ICMT: variants seen among roughly 807,000 people sequenced by gnomAD.
The protein encoded by ICMT is isoprenylcysteine carboxyl methyltransferase.
ICMT carries 10 observed loss-of-function variants against 32.2 expected under a neutral mutation model. That is an observed-to-expected ratio of 0.31 (90% CI 0.19 to 0.53). The LOEUF is 0.53. Among genes scored for constraint, ICMT ranks in the 20% least tolerant of loss-of-function variants. The probability of loss-of-function intolerance (pLI) is 0.96; values close to 1 mark genes in which losing one functional copy is unlikely to be tolerated. For synonymous variants in ICMT, 183 were observed against 158.2 expected, an observed-to-expected ratio of 1.16 and a Z score of -1.18; for missense variants, 265 against 356.9, an observed-to-expected ratio of 0.74 and a Z score of 2.07.
chr1:6,235,916 CCGGGCGGCGGACTAG>C lies in ICMT; in HGVS notation c.-20_-6del. Reference sequence around the variant, plus strand: ...CCGCGCCGCGCAGCCCGCCATGGCGCCGGGCGGCGGACTAGCGGGCGGCGGCGCCGGCTGTAGCCC... The same window carrying C: ...CCGCGCCGCGCAGCCCGCCATGGCGCCGGGCGGCGGCGCCGGCTGTAGCCC... On this transcript the variant is annotated 5_prime_UTR_variant, in exon 1 of 5. Coordinates refer to ENST00000343813, the MANE Select transcript of ICMT (RefSeq NM_012405.4). 2 of 1,095,664 alleles carry C rather than the reference CCGGGCGGCGGACTAG, an allele frequency of 1.8e-6. No homozygotes were observed. The highest frequency in any genetic ancestry group is 2.2e-6 in the Non-Finnish European group (2 of 902,552). 67.9% of individuals were successfully genotyped at this position (1,095,664 alleles called of 1,614,324 possible).
intron 4 of ICMT, among the ~76,000 whole-genome samples, chr1:6,225,864 C>T (rs1346692169): frequency 2.0e-5 from 3 of 151,900 alleles, no homozygotes; most frequent in African/African-American, 7.3e-5. Flanking sequence ...CACTTTGCCT[C>T]TTTTTTTTCC....
In ICMT at chr1:6,235,653, C is replaced by A. The variant is rs1186469745; in HGVS notation, c.195+64G>T. The A allele has an allele frequency of 1.0e-5, 11 of 1,067,568 alleles. No individual in the cohort carries two copies. The African/African-American group carries it at 1.7e-4, about 16-fold the overall frequency. 66.1% of individuals were successfully genotyped at this position (1,067,568 alleles called of 1,614,324 possible). On this transcript the variant is annotated intron_variant, in intron 1 of 4. Coordinates refer to ENST00000343813, the MANE Select transcript of ICMT (RefSeq NM_012405.4). ...GCGGGCCCGGGGAGAAAGGTGCCCACGCGCCGCGCCAAGCGGACCGCCGCC... is the reference window on the plus strand; with the variant it reads ...GCGGGCCCGGGGAGAAAGGTGCCCAAGCGCCGCGCCAAGCGGACCGCCGCC...
At chr1:6,225,328 G>A (rs1046876695) in intron 4 of ICMT, 66 bp from the exon 5 acceptor site, 30 of 1,473,840 alleles carry the variant, frequency 2.0e-5, no homozygotes, top group African/African-American at 9.7e-5. Context: ...TTTGGTAGGC[G>A]TCTGTCTCTA....
intron 4 of ICMT, among the ~76,000 whole-genome samples, chr1:6,228,412 G>A (rs1375655813): frequency 3.3e-5 from 5 of 151,256 alleles, no homozygotes; most frequent in African/African-American, 9.7e-5. Context: ...GCGCGATCTC[G>A]GCTCACTGCA....
At chr1:6,225,691 C>T (rs1251648892) in intron 4 of ICMT, among the ~76,000 whole-genome samples, 4 of 152,162 alleles carry the variant, frequency 2.6e-5, no homozygotes, top group African/African-American at 7.2e-5. Context: ...GCACGAGATA[C>T]AGTGCCACAA....
chr1:6,225,152 C>G lies in ICMT; in HGVS notation c.783G>C (p.Glu261Asp), dbSNP rs2100959575. The change falls in exon 5 of 5, where the codon GAG (glutamate) becomes GAC (aspartate). Residue 261 changes from glutamate to aspartate, a missense_variant. Physicochemically the swap from Glu to Asp is conservative, Grantham distance 45. Transcript: ENST00000343813. ...EEISLIHFFG[E>D]EYLEYKKRVP... is the part of the protein sequence containing the mutation. ...CCCTCTTCTTATACTCCAGGTACTC[C>G]TCTCCAAAAAAGTGAATTAGTGAGA... The G allele has an allele frequency of 1.2e-6, 2 of 1,614,138 alleles. No individual in the cohort carries two copies. Among genetic ancestry groups the G allele is most frequent in the South Asian group, 2.2e-5 (2 of 91,080 alleles).
chr1:6,232,285 C>G (rs1484122140), intron 3 of ICMT, among the ~76,000 whole-genome samples, 166 bp from the exon 4 acceptor site: 3 of 152,194 alleles, frequency 2.0e-5, no homozygotes, highest in Non-Finnish European at 2.9e-5. Context: ...AAAACACATT[C>G]CCCTAAGTTA....
At chr1:6,233,960 T>C (rs1344412402) in intron 2 of ICMT, among the ~76,000 whole-genome samples, 1 of 152,212 alleles carries the variant, frequency 6.6e-6, no homozygotes, top group Admixed American at 6.5e-5. Context: ...GCGATTCTCC[T>C]GCCTCAGCCT....
At position 6,221,541 on chromosome 1, in the gene ICMT, G is replaced by C. The variant is rs1233959658; in HGVS notation, c.*3539C>G. 6.5e-6 allele frequency: 1 copy of C among 152,720 alleles called. No homozygotes were observed. The highest frequency in any genetic ancestry group is 2.1e-4 in the South Asian group (1 of 4,832). The allele number at this position is 152,720 out of a possible 1,614,324, so 9.5% of individuals were successfully genotyped here. A position where few individuals can be genotyped will look rare whatever the true frequency, so the allele number is the denominator to read the frequency against. ...AAGGCAGGAAGAAAGTGCAGTGAAG[G>C]GACAGTGGTGTGCTGTGCGTATCGT... On this transcript the variant is annotated 3_prime_UTR_variant, in exon 5 of 5. Transcript: ENST00000343813.
rs779346239 is a variant in ICMT at position 6,229,821 on chromosome 1, CACAT to C, written c.672+2077_672+2080del. Among the ~76,000 whole-genome samples the C allele has an allele frequency of 1.6e-3, 214 of 134,382 alleles. 2 individuals carry two copies. The highest frequency in any genetic ancestry group is 1.8e-3 in the Non-Finnish European group (110 of 59,996). 88.2% of individuals were successfully genotyped at this position (134,382 alleles called of 152,430 possible). On this transcript the variant is annotated intron_variant, in intron 4 of 4. Coordinates refer to ENST00000343813, the MANE Select transcript of ICMT (RefSeq NM_012405.4). ...ACACACACACACACACACACACACA[CACAT>C]AGAGCAGGTGCAGTGGCTCACACCT...
At chr1:6,234,619 G>A in intron 2 of ICMT, 1 of 527,042 alleles carries the variant, frequency 1.9e-6, no homozygotes, top group South Asian at 1.7e-5. Context: ...TCAAGTTACG[G>A]AATGCTGTCA....
Position 6,222,101 on chromosome 1 carries a change from A to C in ICMT, c.*2979T>G, listed in dbSNP as rs1668563743. ...AAGATCATGGAACTAAAAAGAAGTCAATCACTTACCAAATCCTGTCCTTAA... is the reference window on the plus strand; with the variant it reads ...AAGATCATGGAACTAAAAAGAAGTCCATCACTTACCAAATCCTGTCCTTAA... On this transcript the variant is annotated 3_prime_UTR_variant, in exon 5 of 5. Coordinates refer to ENST00000343813, the MANE Select transcript of ICMT (RefSeq NM_012405.4). The C allele has an allele frequency of 6.6e-6, 1 of 152,208 alleles. No individual in the cohort carries two copies. Among genetic ancestry groups the C allele is most frequent in the South Asian group, 2.1e-4 (1 of 4,826 alleles). 9.4% of individuals were successfully genotyped at this position (152,208 alleles called of 1,614,324 possible). A position where few individuals can be genotyped will look rare whatever the true frequency, so the allele number is the denominator to read the frequency against.
At chr1:6,226,922 C>T (rs368932290) in intron 4 of ICMT, among the ~76,000 whole-genome samples, 4 of 152,168 alleles carry the variant, frequency 2.6e-5, no homozygotes, top group African/African-American at 9.7e-5. Flanking sequence ...CAGTGAATGT[C>T]AGAATCAGGA....
intron 2 of ICMT, chr1:6,234,268 A>G: frequency 2.8e-6 from 1 of 356,170 alleles, no homozygotes; most frequent in Non-Finnish European, 5.5e-6. Flanking sequence ...ACTACACACA[A>G]TAAAACATGA....
intron 4 of ICMT, among the ~76,000 whole-genome samples, chr1:6,226,154 G>A (rs1245745114): frequency 6.6e-6 from 1 of 152,146 alleles, no homozygotes; most frequent in Non-Finnish European, 1.5e-5. Context: ...GCAGTACTTT[G>A]GGAGGCCAAG....
In ICMT at chr1:6,235,805, G is replaced by A. The variant is rs1219333467; in HGVS notation, c.107C>T (p.Ala36Val). The A allele has an allele frequency of 7.6e-7, 1 of 1,322,670 alleles. No homozygotes were observed. The highest frequency in any genetic ancestry group is 1.6e-5 in the South Asian group (1 of 62,886). The allele number at this position is 1,322,670 out of a possible 1,614,324, so 81.9% of individuals were successfully genotyped here. A position where few individuals can be genotyped will look rare whatever the true frequency, so the allele number is the denominator to read the frequency against. ...SVLALPLLTRAGLQGRTGLAL... is the reference protein window; with the variant it reads ...SVLALPLLTRVGLQGRTGLAL... ...CAGCCCGGTGCGGCCCTGCAGGCCG[G>A]CGCGCGTGAGCAGCGGCAGCGCGAG... The change falls in exon 1 of 5, where the codon GCC becomes GTC. Residue 36 changes from alanine to valine, a missense_variant. Physicochemically the swap from Ala to Val is moderately conservative, Grantham distance 64. Transcript: ENST00000343813.
At chr1:6,230,408 A>T (rs1668714815) in intron 4 of ICMT, among the ~76,000 whole-genome samples, 1 of 151,994 alleles carries the variant, frequency 6.6e-6, no homozygotes, top group South Asian at 2.1e-4. Context: ...CGTCCAGGAG[A>T]ACCACCTCTA....
rs535621640 is a variant in ICMT, at chr1:6,232,822, A to G, written c.454+652T>C. ...CTCGGCCTCCCAAAGTGCTGGGATT[A>G]AAGGCGTGAGCCACTGCACCCGACC... On this transcript the variant is annotated intron_variant, in intron 3 of 4. Coordinates refer to ENST00000343813, the MANE Select transcript of ICMT (RefSeq NM_012405.4). Among the ~76,000 whole-genome samples the G allele has an allele frequency of 5.9e-5, 9 of 151,686 alleles. No homozygotes were observed. The South Asian group carries it at 1.9e-3, about 32-fold the overall frequency.
At position 6,225,308 on chromosome 1, in the gene ICMT, C is replaced by T. The variant is rs754115481; in HGVS notation, c.673-46G>A. 5.1e-6 allele frequency: 8 copies of T among 1,570,884 alleles called. No homozygotes were observed. In the East Asian group the frequency reaches 6.7e-5, roughly 13 times the overall value. On this transcript the variant is annotated intron_variant, in intron 4 of 4. Coordinates refer to ENST00000343813, the MANE Select transcript of ICMT (RefSeq NM_012405.4). The stretch of plus-strand genomic sequence containing the variant: ...GCTCATCAGGGTGACCGTGGGATGA[C>T]GCCCTGTGCTTTGGTAGGCGTCTGT...
Sources: allele counts gnomAD v4.1 joint callset (sites outside exome capture counted in the v4.1 genomes callset), GRCh38; gene constraint gnomAD v4.1.1; transcripts MANE v1.5; gene names NCBI Gene and HGNC (gene_info 2026-07-23, HGNC 2026-07-21).